The following ROR1 variants were observed in gnomAD, a reference collection of about 807,000 sequenced individuals.
The protein encoded by ROR1 is ROR family WNT receptor 1.
ROR1 carries 19 observed loss-of-function variants against 78.8 expected under a neutral mutation model. The ratio of observed to expected loss-of-function variants is 0.24; its 90% CI spans 0.17 to 0.35. The LOEUF (loss-of-function observed/expected upper bound fraction) is 0.35. ROR1 is among the 10% of genes least tolerant of loss of function. The pLI, the probability that ROR1 is intolerant of heterozygous loss-of-function variation, is 1.00. For missense variants in ROR1, 917 were observed against 1,177.8 expected, an observed-to-expected ratio of 0.78 and a Z score of 3.24; for synonymous variants, 386 against 433.6, an observed-to-expected ratio of 0.89 and a Z score of 1.36.
At chr1:63,884,426 C>T (rs534115938) in intron 1 of ROR1, among the ~76,000 whole-genome samples, 16 of 152,244 alleles carry the variant, frequency 1.1e-4, no homozygotes, top group Middle Eastern at 3.4e-3. Context: ...GATACCACAG[C>T]TGAAAGGGAA....
chr1:64,015,417 C>T (rs1646512688), intron 2 of ROR1, among the ~76,000 whole-genome samples: 1 of 152,214 alleles, frequency 6.6e-6, no homozygotes, highest in South Asian at 2.1e-4. Flanking sequence ...GCCCCCTGGC[C>T]TGCCTCTTCC....
intron 4 of ROR1, among the ~76,000 whole-genome samples, chr1:64,118,911 G>A (rs960474661): frequency 4.6e-5 from 7 of 152,156 alleles, no homozygotes; most frequent in Non-Finnish European, 8.8e-5. Flanking sequence ...TAGGTGACAC[G>A]TGAAAGTCCA....
At chr1:64,025,395 G>A (rs1188653585) in intron 2 of ROR1, among the ~76,000 whole-genome samples, 5 of 152,090 alleles carry the variant, frequency 3.3e-5, no homozygotes, top group Admixed American at 3.3e-4. Flanking sequence ...AAACAGCATG[G>A]AGATTCCTTA....
chr1:63,902,623 C>A (rs1412526933), intron 1 of ROR1, among the ~76,000 whole-genome samples: 5 of 152,220 alleles, frequency 3.3e-5, no homozygotes, highest in Admixed American at 1.3e-4. Flanking sequence ...CGTTGCCCAG[C>A]CAAAAGATGT....
At chr1:63,936,314 T>C (rs1645794033) in intron 1 of ROR1, among the ~76,000 whole-genome samples, 6 of 152,164 alleles carry the variant, frequency 3.9e-5, no homozygotes, top group Admixed American at 3.9e-4. Context: ...CAAGGGGTGC[T>C]CTAAAGTGAA....
chr1:63,851,436 T>C (rs543605506), intron 1 of ROR1, among the ~76,000 whole-genome samples: 6 of 152,254 alleles, frequency 3.9e-5, no homozygotes, highest in African/African-American at 1.4e-4. Context: ...TTAATTGGTA[T>C]TGAGAACAGA....
intron 4 of ROR1, among the ~76,000 whole-genome samples, chr1:64,135,421 G>T (rs1649069956): frequency 6.6e-6 from 1 of 151,964 alleles, no homozygotes; most frequent in Admixed American, 6.6e-5. Flanking sequence ...AGTTTAATGT[G>T]GGGGAGAAAG....
intron 1 of ROR1, among the ~76,000 whole-genome samples, chr1:63,924,951 T>C (rs1192094260): frequency 6.7e-6 from 1 of 149,006 alleles, no homozygotes; most frequent in Non-Finnish European, 1.5e-5. Flanking sequence ...TTTTTTTTTT[T>C]TTTTTAAGAA....
intron 1 of ROR1, among the ~76,000 whole-genome samples, chr1:63,932,396 G>A (rs773105162): frequency 7.2e-5 from 11 of 152,112 alleles, no homozygotes; most frequent in Non-Finnish European, 1.5e-4. Flanking sequence ...CTCAGGTCTC[G>A]GCAAGAATAG....
At chr1:63,961,615 A>T (rs1409031025) in intron 1 of ROR1, among the ~76,000 whole-genome samples, 2 of 152,210 alleles carry the variant, frequency 1.3e-5, no homozygotes, top group African/African-American at 4.8e-5. Context: ...GTTCTCACTC[A>T]TATGTGGAAG....
chr1:64,162,397 C>A (rs947979031), intron 8 of ROR1, among the ~76,000 whole-genome samples: 5 of 152,120 alleles, frequency 3.3e-5, no homozygotes, highest in African/African-American at 1.2e-4. Context: ...TGACGAGGCC[C>A]GGCTTGGGTC....
chr1:64,133,404 A>G (rs1234033121), intron 4 of ROR1, among the ~76,000 whole-genome samples: 2 of 152,048 alleles, frequency 1.3e-5, no homozygotes, highest in Admixed American at 1.3e-4. Flanking sequence ...CTAGATGGGC[A>G]CTCCTTTTGC....
intron 1 of ROR1, among the ~76,000 whole-genome samples, chr1:63,792,496 GT>G (rs1402393130): frequency 6.6e-6 from 1 of 152,082 alleles, no homozygotes; most frequent in Non-Finnish European, 1.5e-5. Context: ...ACAGTGTATG[GT>G]TTGGAAAGAA....
At chr1:64,103,409 G>A (rs948288941) in intron 4 of ROR1, among the ~76,000 whole-genome samples, 1 of 151,868 alleles carries the variant, frequency 6.6e-6, no homozygotes, top group African/African-American at 2.4e-5. Context: ...AGATATGTGA[G>A]TGAAACAAAA....
intron 2 of ROR1, among the ~76,000 whole-genome samples, chr1:64,033,502 T>C (rs1042109434): frequency 3.9e-5 from 6 of 152,204 alleles, no homozygotes; most frequent in African/African-American, 1.4e-4. Context: ...TAACATATTT[T>C]ACTTACTAAT....
intron 2 of ROR1, among the ~76,000 whole-genome samples, chr1:64,022,558 C>T (rs1246634645): frequency 1.3e-5 from 2 of 152,110 alleles, no homozygotes; most frequent in Admixed American, 6.6e-5. Flanking sequence ...TGCTACAGCC[C>T]CATTTCCCCG....
At chr1:63,930,351 T>C (rs1645741667) in intron 1 of ROR1, among the ~76,000 whole-genome samples, 2 of 152,222 alleles carry the variant, frequency 1.3e-5, no homozygotes, top group Non-Finnish European at 2.9e-5. Flanking sequence ...AAGCAAGTCA[T>C]AGGCTAAATT....
intron 1 of ROR1, among the ~76,000 whole-genome samples, chr1:63,779,352 G>A (rs1644637316): frequency 6.6e-6 from 1 of 152,190 alleles, no homozygotes; most frequent in African/African-American, 2.4e-5. Context: ...GTGAGGACCA[G>A]ACCCTGGCAA....
At chr1:64,096,315 G>T (rs1384624502) in intron 4 of ROR1, among the ~76,000 whole-genome samples, 1 of 151,912 alleles carries the variant, frequency 6.6e-6, no homozygotes, top group Non-Finnish European at 1.5e-5. Context: ...GGGGTTTGTT[G>T]TACAGATTAT....
Sources: allele counts gnomAD v4.1 joint callset (sites outside exome capture counted in the v4.1 genomes callset), GRCh38; gene constraint gnomAD v4.1.1; transcripts MANE v1.5; gene names NCBI Gene and HGNC (gene_info 2026-07-23, HGNC 2026-07-21).